The following PSMD1 variants were observed in gnomAD, a reference collection of about 807,000 sequenced individuals.
The protein encoded by PSMD1 is proteasome 26S subunit, non-ATPase 1.
Under a neutral mutation model 119.0 loss-of-function variants are expected in PSMD1, and 18 were observed. The observed-to-expected ratio is 0.15, with a 90% CI of 0.10 to 0.22. The LOEUF (loss-of-function observed/expected upper bound fraction) is 0.22. PSMD1 is among the 10% of genes least tolerant of loss of function. The pLI is 1.00. For missense variants in PSMD1, 702 were observed against 1,158.5 expected (o/e 0.61, Z 5.72); for synonymous variants, 374 against 396.6 (o/e 0.94, Z 0.68).
At chr2:231,135,198 A>G (rs1265183356) in intron 16 of PSMD1, among the ~76,000 whole-genome samples, 1 of 152,242 alleles carries the variant, frequency 6.6e-6, no homozygotes, top group Non-Finnish European at 1.5e-5. Context: ...AGTTTCAACT[A>G]CAAGTTTTAG....
intron 16 of PSMD1, chr2:231,124,178 T>G: frequency 5.3e-6 from 1 of 188,342 alleles, no homozygotes; most frequent in Non-Finnish European, 1.1e-5. Flanking sequence ...TTTCTGAAAG[T>G]GGTAAAAACA....
intron 17 of PSMD1, among the ~76,000 whole-genome samples, chr2:231,144,781 C>G (rs1464657769): frequency 2.6e-5 from 4 of 152,118 alleles, no homozygotes; most frequent in African/African-American, 9.7e-5. Flanking sequence ...TCAGTACTTA[C>G]TCGACTTTGG....
chr2:231,116,877 T>G (rs1224368741), intron 16 of PSMD1, among the ~76,000 whole-genome samples: 1 of 152,084 alleles, frequency 6.6e-6, no homozygotes, highest in Non-Finnish European at 1.5e-5. Flanking sequence ...ATTTCAAGTT[T>G]CGTGAAACAC....
chr2:231,151,456 A>G (rs1696374405), intron 18 of PSMD1, among the ~76,000 whole-genome samples: 1 of 152,186 alleles, frequency 6.6e-6, no homozygotes, highest in East Asian at 1.9e-4. Flanking sequence ...AAGAAATAAA[A>G]TGTGAGAAAA....
intron 16 of PSMD1, among the ~76,000 whole-genome samples, chr2:231,125,454 C>G (rs1695695999): frequency 6.6e-6 from 1 of 152,220 alleles, no homozygotes. Flanking sequence ...TGATTTCTAG[C>G]AGTGAAACAA....
chr2:231,072,791 A>G (rs2288147), intron 7 of PSMD1, among the ~76,000 whole-genome samples: 75,027 of 152,052 alleles, frequency 0.49, 21,856 homozygotes, highest in African/African-American at 0.81. Context: ...TCAGCTTTTT[A>G]TGCTTTTATT....
Position 231,153,545 on chromosome 2 carries a change from C to A in PSMD1, c.2116-19C>A. Reference sequence around the variant, plus strand: ...AAATGAGTAGACTTAGACTATAATTCTTTCTCTTGCTCCTTCAGGTGAATC... The same window carrying A: ...AAATGAGTAGACTTAGACTATAATTATTTCTCTTGCTCCTTCAGGTGAATC... On this transcript the variant is annotated intron_variant, in intron 18 of 24. Transcript: ENST00000308696. 2 of 1,530,882 alleles carry A rather than the reference C, an allele frequency of 1.3e-6. No homozygotes were observed. The highest frequency in any genetic ancestry group is 1.8e-6 in the Non-Finnish European group (2 of 1,107,078). 94.8% of individuals were successfully genotyped at this position (1,530,882 alleles called of 1,614,324 possible). A position where few individuals can be genotyped will look rare whatever the true frequency, so the allele number is the denominator to read the frequency against.
intron 16 of PSMD1, chr2:231,108,925 AG>A: frequency 6.2e-7 from 1 of 1,614,162 alleles, no homozygotes; most frequent in Non-Finnish European, 8.5e-7. Flanking sequence ...ATAAAACTAA[AG>A]TTATATTTGT....
At chr2:231,095,736 T>C (rs375420475) in intron 16 of PSMD1, among the ~76,000 whole-genome samples, 106 of 152,328 alleles carry the variant, frequency 7.0e-4, no homozygotes, top group African/African-American at 2.3e-3. Flanking sequence ...CAATAACGGC[T>C]AAAGGCCAAT....
Position 231,061,330 on chromosome 2 carries a change from T to C in PSMD1, c.60+20T>C. The C allele has an allele frequency of 6.4e-7, 1 of 1,555,720 alleles. No individual in the cohort carries two copies. Among genetic ancestry groups the C allele is most frequent in the African/African-American group, 1.4e-5 (1 of 73,358 alleles). On this transcript the variant is annotated intron_variant, in intron 2 of 24. Transcript: ENST00000308696. Reference sequence around the variant, plus strand: ...CTTAAGGTATGAATTGAAGAATAAGTAACTAGGCTTAGTGTGAATACTGTG... The same window carrying C: ...CTTAAGGTATGAATTGAAGAATAAGCAACTAGGCTTAGTGTGAATACTGTG...
chr2:231,127,386 C>T (rs1461333872), intron 16 of PSMD1, among the ~76,000 whole-genome samples: 1 of 151,900 alleles, frequency 6.6e-6, no homozygotes, highest in Non-Finnish European at 1.5e-5. Context: ...ACAGAGCCTT[C>T]CTCTGTCACC....
chr2:231,118,278 TCAAC>T, intron 16 of PSMD1, among the ~76,000 whole-genome samples: 1 of 152,232 alleles, frequency 6.6e-6, no homozygotes, highest in South Asian at 2.1e-4. Flanking sequence ...GCCAACTAAC[TCAAC>T]CATGAAAACA....
At chr2:231,085,961 ATTT>A (rs1411191604) in intron 15 of PSMD1, among the ~76,000 whole-genome samples, 1 of 151,930 alleles carries the variant, frequency 6.6e-6, no homozygotes, top group Admixed American at 6.6e-5. Context: ...TTAATAAATA[ATTT>A]TTTTAGCAGT....
intron 16 of PSMD1, among the ~76,000 whole-genome samples, chr2:231,118,870 C>T (rs1695436375): frequency 6.6e-6 from 1 of 152,180 alleles, no homozygotes; most frequent in Non-Finnish European, 1.5e-5. Context: ...AGTTCATGAA[C>T]TTATTGCAGC....
intron 23 of PSMD1, among the ~76,000 whole-genome samples, chr2:231,169,456 G>A (rs929692646): frequency 6.6e-6 from 1 of 152,116 alleles, no homozygotes. Context: ...CCTCTTCAAG[G>A]AAAGCAAACT....
chr2:231,068,730 C>A (rs1380948351), intron 5 of PSMD1, among the ~76,000 whole-genome samples: 1 of 152,120 alleles, frequency 6.6e-6, no homozygotes, highest in African/African-American at 2.4e-5. Flanking sequence ...TTGACTGTCG[C>A]AATATCACAG....
At chr2:231,108,375 G>A (rs1695026728) in intron 16 of PSMD1, 2 of 644,634 alleles carry the variant, frequency 3.1e-6, no homozygotes. Context: ...AGGAAAATTA[G>A]ATATTCTTAA....
intron 16 of PSMD1, among the ~76,000 whole-genome samples, chr2:231,137,160 C>G (rs1394568332): frequency 6.7e-6 from 1 of 150,126 alleles, no homozygotes; most frequent in Non-Finnish European, 1.5e-5. Flanking sequence ...CTGTCTCACC[C>G]AGGCTGGAGT....
At chr2:231,070,236 C>T (rs929252243) in intron 6 of PSMD1, 68 bp downstream of exon 6, 97 of 1,180,556 alleles carry the variant, frequency 8.2e-5, no homozygotes, top group Non-Finnish European at 9.8e-5. Context: ...TACCACTTCA[C>T]ATTTTATTAC....
Sources: gnomAD v4.1 joint callset for allele counts (sites outside exome capture counted in the v4.1 genomes callset) on GRCh38, gnomAD v4.1.1 for gene constraint, MANE v1.5 for transcripts, NCBI Gene and HGNC (gene_info 2026-07-23, HGNC 2026-07-21) for gene names.